The following TMEM255B variants were observed in gnomAD, a reference collection of about 807,000 sequenced individuals.
TMEM255B encodes the protein transmembrane protein 255B, also known as family with sequence similarity 70, member B.
Under a neutral mutation model 34.5 loss-of-function variants are expected in TMEM255B, and 35 were observed. The observed-to-expected ratio is 1.01, with a 90% CI of 0.77 to 1.34. The LOEUF (loss-of-function observed/expected upper bound fraction) is 1.34. TMEM255B is among the 40% of genes most tolerant of loss of function. TMEM255B has a pLI of 0.00. For synonymous variants in TMEM255B, 206 were observed against 201.2 expected (o/e 1.02, Z -0.20); for missense variants, 432 against 433.2 (o/e 1.00, Z 0.02).
intron 4 of TMEM255B, among the ~76,000 whole-genome samples, chr13:113,797,074 C>T (rs1023505350): frequency 7.9e-5 from 12 of 152,242 alleles, no homozygotes; most frequent in African/African-American, 2.4e-4. Context: ...CGCCCGTGGC[C>T]GTGGCCCCGC....
At chr13:113,766,417 T>C (rs1384167369) in intron 2 of TMEM255B, 160 bp downstream of exon 2, 2 of 1,026,764 alleles carry the variant, frequency 1.9e-6, no homozygotes, top group Non-Finnish European at 3.0e-6. Flanking sequence ...AGACATGCAC[T>C]TCCCAATCCC....
intron 5 of TMEM255B, chr13:113,799,953 G>A (rs932848577): frequency 3.2e-5 from 41 of 1,289,894 alleles, no homozygotes; most frequent in Non-Finnish European, 3.9e-5. Flanking sequence ...TTAACTAAAC[G>A]CAGCCTCTCA....
At chr13:113,810,337 A>G (rs1003384199) in intron 8 of TMEM255B, among the ~76,000 whole-genome samples, 2 of 152,190 alleles carry the variant, frequency 1.3e-5, no homozygotes, top group Non-Finnish European at 2.9e-5. Context: ...TCCCCCTAGA[A>G]TTTAAGGGGA....
chr13:113,764,020 G>A (rs1441787552), intron 1 of TMEM255B, among the ~76,000 whole-genome samples: 1 of 152,336 alleles, frequency 6.6e-6, no homozygotes. Flanking sequence ...GGCAGGTGTC[G>A]GGTGCCTGGG....
At chr13:113,808,525 G>A (rs1176688789) in intron 8 of TMEM255B, among the ~76,000 whole-genome samples, 3 of 150,748 alleles carry the variant, frequency 2.0e-5, no homozygotes, top group African/African-American at 7.4e-5. Context: ...CATGTTCCTG[G>A]GGGTTTACTT....
chr13:113,785,491 C>T (rs1253369421), intron 3 of TMEM255B, among the ~76,000 whole-genome samples: 1 of 152,220 alleles, frequency 6.6e-6, no homozygotes, highest in East Asian at 1.9e-4. Context: ...TTGCTGTTGT[C>T]TTTAGCAAAT....
At position 113,769,182 on chromosome 13, in the gene TMEM255B, TGGGGAGCATGAGTCCCTCATCA is replaced by T. The variant is rs778801581; in HGVS notation, c.252+28_252+49del. ...AATGGTAAGAAAGTACATGGGGTGG[TGGGGAGCATGAGTCCCTCATCA>T]GGGGATGGTACAGCTGCACTGGGGC... On this transcript the variant is annotated intron_variant, in intron 3 of 8. Coordinates refer to ENST00000375353, the MANE Select transcript of TMEM255B (RefSeq NM_182614.4). The surrounding 1 kb of genome is among the most constrained non-coding windows in gnomAD (Gnocchi z 4.2). 2 of 1,613,472 alleles carry T rather than the reference TGGGGAGCATGAGTCCCTCATCA, an allele frequency of 1.2e-6. No individual in the cohort carries two copies. Among genetic ancestry groups the T allele is most frequent in the East Asian group, 4.5e-5 (2 of 44,872 alleles).
chr13:113,762,908 A>T (rs901870841), intron 1 of TMEM255B, among the ~76,000 whole-genome samples: 1 of 152,244 alleles, frequency 6.6e-6, no homozygotes, highest in Non-Finnish European at 1.5e-5. Flanking sequence ...TCGCACAACA[A>T]AATCCTTTGA....
In TMEM255B at chr13:113,800,080, TTA is replaced by T. The variant is rs2051016134; in HGVS notation, c.423+663_423+664del. On this transcript the variant is annotated intron_variant, in intron 5 of 8. Coordinates refer to ENST00000375353, the MANE Select transcript of TMEM255B (RefSeq NM_182614.4). The stretch of plus-strand genomic sequence containing the variant: ...GGAGGCATCGTGTGTGTGTGTGTGT[TTA>T]TGTGTGTGTGTGTGGGGGGGGGTAG... The T allele has an allele frequency of 6.7e-4, 754 of 1,118,238 alleles. 1 individual carries two copies. The highest frequency in any genetic ancestry group is 1.4e-3 in the African/African-American group (63 of 45,916). The allele number at this position is 1,118,238 out of a possible 1,614,324, so 69.3% of individuals were successfully genotyped here.
intron 4 of TMEM255B, among the ~76,000 whole-genome samples, chr13:113,798,902 A>C (rs377089192): frequency 3.8e-4 from 58 of 152,320 alleles, no homozygotes; most frequent in African/African-American, 1.3e-3. Context: ...GGGTGGGTGG[A>C]TGATTGGATG....
At chr13:113,801,111 C>G (rs1012435148) in intron 6 of TMEM255B, among the ~76,000 whole-genome samples, 199 bp downstream of exon 6, 1 of 152,188 alleles carries the variant, frequency 6.6e-6, no homozygotes, top group African/African-American at 2.4e-5. Context: ...CATCACCCCC[C>G]CCACACCCCT....
chr13:113,789,190 C>CTTTTTTTTT (rs2050789579), intron 3 of TMEM255B, among the ~76,000 whole-genome samples: 1 of 144,192 alleles, frequency 6.9e-6, no homozygotes, highest in Admixed American at 7.0e-5. Flanking sequence ...AATCTACTTT[C>CTTTTTTTTT]TTCTGTTGGA....
At chr13:113,805,207 G>T (rs2051148142) in intron 8 of TMEM255B, among the ~76,000 whole-genome samples, 179 bp downstream of exon 8, 1 of 152,116 alleles carries the variant, frequency 6.6e-6, no homozygotes, top group Non-Finnish European at 1.5e-5. Context: ...TGCAAGTATG[G>T]CCGGGGACCG....
chr13:113,795,411 G>A (rs928014423), intron 4 of TMEM255B, among the ~76,000 whole-genome samples, 174 bp downstream of exon 4: 1 of 152,022 alleles, frequency 6.6e-6, no homozygotes, highest in African/African-American at 2.4e-5. Flanking sequence ...CCTACACAAC[G>A]AACTTCCCTC....
intron 1 of TMEM255B, among the ~76,000 whole-genome samples, chr13:113,760,969 A>G (rs1409349267): frequency 1.4e-5 from 2 of 146,454 alleles, no homozygotes; most frequent in African/African-American, 5.1e-5. Context: ...GCTTTGGGGT[A>G]TCTGGGGGTG....
intron 2 of TMEM255B, among the ~76,000 whole-genome samples, chr13:113,767,384 A>T (rs575790643): frequency 6.6e-6 from 1 of 152,316 alleles, no homozygotes; most frequent in Non-Finnish European, 1.5e-5. Context: ...GCCTCATGTG[A>T]GGGGCTTTTC....
Position 113,769,166 on chromosome 13 carries a change from A to G in TMEM255B, c.252+6A>G. ...TGGAGAATAGAAGGCAAATGGTAAG[A>G]AAGTACATGGGGTGGTGGGGAGCAT... is the stretch of plus-strand genomic sequence containing the variant. On this transcript the variant is annotated splice_donor_region_variant and intron_variant, in intron 3 of 8. Coordinates refer to ENST00000375353, the MANE Select transcript of TMEM255B (RefSeq NM_182614.4). This position sits in a 1 kb window ranked among gnomAD's most constrained non-coding sequence, Gnocchi z 4.2. 1.9e-6 allele frequency: 3 copies of G among 1,614,104 alleles called. No individual in the cohort carries two copies. Among genetic ancestry groups the G allele is most frequent in the Non-Finnish European group, 2.5e-6 (3 of 1,179,954 alleles).
At position 113,812,454 on chromosome 13, in the gene TMEM255B, CCG is replaced by C. The variant is rs1000361721; in HGVS notation, c.*552_*553del. 6.5e-6 allele frequency: 1 copy of C among 153,136 alleles called. No individual in the cohort carries two copies. The highest frequency in any genetic ancestry group is 2.4e-5 in the African/African-American group (1 of 41,456). The allele number at this position is 153,136 out of a possible 1,614,324, so 9.5% of individuals were successfully genotyped here. ...CTGTGAGTTGTTAGAATCCAGGGGC[CCG>C]GTTGTCTTTCCCAGCCCCGGATGCA... On this transcript the variant is annotated 3_prime_UTR_variant, in exon 9 of 9. Transcript: ENST00000375353.
At chr13:113,808,911 G>GTTTACTCTGTGGTTCTTGGGGA (rs1450886969) in intron 8 of TMEM255B, among the ~76,000 whole-genome samples, 1 of 147,042 alleles carries the variant, frequency 6.8e-6, no homozygotes, top group Non-Finnish European at 1.5e-5. Flanking sequence ...GTTCCTGGGG[G>GTTTACTCTGTGGTTCTTGGGGA]TTTACTCTGT....
Sources: allele counts gnomAD v4.1 joint callset (sites outside exome capture counted in the v4.1 genomes callset), GRCh38; gene constraint gnomAD v4.1.1; non-coding constraint Gnocchi (gnomAD v3.1); transcripts MANE v1.5; gene names NCBI Gene and HGNC (gene_info 2026-07-23, HGNC 2026-07-21).